The following CIB2 variants were observed in gnomAD, a reference collection of about 807,000 sequenced individuals.
CIB2 encodes calcium and integrin-binding family member 2.
CIB2 carries 19 observed loss-of-function variants against 23.1 expected under a neutral mutation model. The ratio of observed to expected loss-of-function variants is 0.82; its 90% CI spans 0.57 to 1.21. CIB2 has a LOEUF of 1.21. Ranked by LOEUF, CIB2 falls within the 50% of genes most tolerant of loss-of-function variation. CIB2 has a pLI of 0.00. For synonymous variants in CIB2, 94 were observed against 91.7 expected (o/e 1.03, Z -0.14); for missense variants, 220 against 241.5 (o/e 0.91, Z 0.59).
At chr15:78,130,102 G>A (rs2074433715) in intron 1 of CIB2, among the ~76,000 whole-genome samples, 2 of 152,206 alleles carry the variant, frequency 1.3e-5, no homozygotes, top group Admixed American at 1.3e-4. Context: ...AAGCACTGAT[G>A]AAGGCAACAA....
intron 1 of CIB2, among the ~76,000 whole-genome samples, chr15:78,128,647 C>T (rs1261541101): frequency 2.0e-5 from 3 of 150,698 alleles, no homozygotes; most frequent in East Asian, 1.9e-4. Context: ...GCCGAGATCA[C>T]ACCACTGCAC....
Position 78,105,949 on chromosome 15 carries a change from T to C in CIB2, c.347-15A>G. On this transcript the variant is annotated splice_polypyrimidine_tract_variant and intron_variant, in intron 4 of 5. Transcript: ENST00000258930. ...AGTGTTGAAGTCTGTAGGGCAGGGG[T>C]TGGACATGTTCAAGTCCAGGCTGCG... The C allele has an allele frequency of 6.2e-7, 1 of 1,611,872 alleles. No homozygotes were observed. The highest frequency in any genetic ancestry group is 8.5e-7 in the Non-Finnish European group (1 of 1,178,212).
chr15:78,119,894 A>G (rs1165846299), intron 2 of CIB2, among the ~76,000 whole-genome samples: 1 of 150,446 alleles, frequency 6.6e-6, no homozygotes, highest in East Asian at 1.9e-4. Context: ...TTACAAAACA[A>G]TACCATCTGC....
chr15:78,119,117 T>C lies in CIB2; in HGVS notation c.86+4588A>G, dbSNP rs575485059. ...ATTGCTTGAACCTGGGAGGCAGAGA[T>C]TGCAGCGAGACACAGACTTTAAAAA... On this transcript the variant is annotated intron_variant, in intron 2 of 5. Transcript: ENST00000258930. 2.6e-5 allele frequency among the ~76,000 whole-genome samples: 4 copies of C among 151,326 alleles called. No individual in the cohort carries two copies. The East Asian group carries it at 5.8e-4, about 22-fold the overall frequency.
At chr15:78,115,277 A>G (rs2141898291) in intron 2 of CIB2, among the ~76,000 whole-genome samples, 1 of 152,088 alleles carries the variant, frequency 6.6e-6, no homozygotes, top group African/African-American at 2.4e-5. Flanking sequence ...TTATTTTTTG[A>G]GACAGAGTCT....
At chr15:78,128,690 G>A (rs1382580086) in intron 1 of CIB2, among the ~76,000 whole-genome samples, 1 of 144,246 alleles carries the variant, frequency 6.9e-6, no homozygotes, top group Non-Finnish European at 1.5e-5. Flanking sequence ...GCGAGACTCC[G>A]TCTCAAAAAA....
intron 2 of CIB2, among the ~76,000 whole-genome samples, chr15:78,123,359 T>C (rs1327744972): frequency 1.3e-5 from 2 of 152,166 alleles, no homozygotes; most frequent in Non-Finnish European, 2.9e-5. Context: ...CCTGGCTCTG[T>C]GACTTTAGCC....
intron 3 of CIB2, among the ~76,000 whole-genome samples, chr15:78,110,059 G>A (rs967390364): frequency 6.6e-6 from 1 of 152,194 alleles, no homozygotes; most frequent in Non-Finnish European, 1.5e-5. Flanking sequence ...AACTGGACCA[G>A]TCAAGCAGCA....
At chr15:78,126,149 C>A (rs539286115) in intron 1 of CIB2, among the ~76,000 whole-genome samples, 14 of 126,820 alleles carry the variant, frequency 1.1e-4, no homozygotes, top group Admixed American at 2.9e-4. Flanking sequence ...TGCCCCCCCC[C>A]CTTTTTTTTT....
At chr15:78,106,018 C>A (rs774148999) in intron 4 of CIB2, 84 bp from the exon 5 acceptor site, 2 of 1,100,564 alleles carry the variant, frequency 1.8e-6, no homozygotes, top group Non-Finnish European at 1.3e-6. Context: ...TCCTAGCTGG[C>A]CCCACTACCT....
Position 78,105,344 on chromosome 15 carries a change from G to A in CIB2, c.543-12C>T, listed in dbSNP as rs1259316095. On this transcript the variant is annotated splice_polypyrimidine_tract_variant and intron_variant, in intron 5 of 5. Transcript: ENST00000258930. ...GGATGTGGAAAGTGCTAGAAAGAGA[G>A]AAAGGGCAAGAGAGGGTGAGAGGCC... 1.2e-6 allele frequency: 2 copies of A among 1,613,948 alleles called. No individual in the cohort carries two copies. Among genetic ancestry groups the A allele is most frequent in the Middle Eastern group, 1.7e-4 (1 of 6,032 alleles).
chr15:78,114,720 C>G (rs532674161), intron 2 of CIB2, among the ~76,000 whole-genome samples: 1 of 149,700 alleles, frequency 6.7e-6, no homozygotes, highest in African/African-American at 2.5e-5. Context: ...GAGAGAATTG[C>G]ATGAGGCCAG....
At position 78,105,904 on chromosome 15, in the gene CIB2, T is replaced by G; in HGVS notation, c.377A>C (p.Glu126Ala). The G allele has an allele frequency of 6.2e-7, 1 of 1,614,186 alleles. No homozygotes were observed. Among genetic ancestry groups the G allele is most frequent in the Non-Finnish European group, 8.5e-7 (1 of 1,180,014 alleles). Residue 126 changes from glutamate to alanine, a missense_variant, in exon 5 of 6, where the codon GAG becomes GCG. By Grantham distance (107) the Glu-to-Ala change is moderately radical. Transcript: ENST00000258930. Reference sequence around the variant, plus strand: ...CCGGGCCAGCGTCAGCTCCAGGTCCTCCTTGCAGATGAAGTTGTCAGTGTT... The same window carrying G: ...CCGGGCCAGCGTCAGCTCCAGGTCCGCCTTGCAGATGAAGTTGTCAGTGTT... ...DFNTDNFICK[E>A]DLELTLARLT...
intron 2 of CIB2, among the ~76,000 whole-genome samples, chr15:78,121,020 G>A (rs555600252): frequency 2.6e-5 from 4 of 152,300 alleles, no homozygotes; most frequent in African/African-American, 9.6e-5. Context: ...GGGGCAGTCA[G>A]TCATGCTGGC....
intron 2 of CIB2, among the ~76,000 whole-genome samples, chr15:78,113,599 C>T (rs1180022429): frequency 6.6e-6 from 1 of 151,460 alleles, no homozygotes; most frequent in African/African-American, 2.4e-5. Flanking sequence ...GGCGCGATCT[C>T]GGCTCACTGC....
At chr15:78,110,724 G>A in intron 3 of CIB2, 1 of 456,350 alleles carries the variant, frequency 2.2e-6, no homozygotes, top group Non-Finnish European at 4.4e-6. Flanking sequence ...TTGGCATTTG[G>A]ACAAGATCCC....
Position 78,105,197 on chromosome 15 carries a change from G to T in CIB2, c.*114C>A. On this transcript the variant is annotated 3_prime_UTR_variant, in exon 6 of 6. Coordinates refer to ENST00000258930, the MANE Select transcript of CIB2 (RefSeq NM_006383.4). ...GCTGAAAGGGCCACAGGATATATTT[G>T]TGGTGTAAACCCCAGAGGCTGCCAC... 1.5e-6 allele frequency: 2 copies of T among 1,370,712 alleles called. No homozygotes were observed. Among genetic ancestry groups the T allele is most frequent in the Non-Finnish European group, 2.0e-6 (2 of 979,134 alleles). The allele number at this position is 1,370,712 out of a possible 1,614,324, so 84.9% of individuals were successfully genotyped here. A position where few individuals can be genotyped will look rare whatever the true frequency, so the allele number is the denominator to read the frequency against.
intron 4 of CIB2, among the ~76,000 whole-genome samples, chr15:78,106,711 G>C (rs1231008177): frequency 6.6e-6 from 1 of 152,026 alleles, no homozygotes; most frequent in African/African-American, 2.4e-5. Flanking sequence ...CAAACTCCTG[G>C]TCATCCTTCA....
chr15:78,110,570 A>T (rs2074142347), intron 3 of CIB2: 2 of 438,382 alleles, frequency 4.6e-6, no homozygotes, highest in Non-Finnish European at 9.3e-6. Context: ...TTAATGCTGA[A>T]TGCACTTTAC....
Sources: gnomAD v4.1 joint callset for allele counts (sites outside exome capture counted in the v4.1 genomes callset) on GRCh38, gnomAD v4.1.1 for gene constraint, MANE v1.5 for transcripts, NCBI Gene and HGNC (gene_info 2026-07-23, HGNC 2026-07-21) for gene names.